The following CNTNAP2 variants were observed in gnomAD, a reference collection of about 807,000 sequenced individuals.
CNTNAP2 encodes contactin associated protein 2, also known as contactin-associated protein-like 2.
CNTNAP2 carries 98 observed loss-of-function variants against 155.2 expected under a neutral mutation model. The ratio of observed to expected loss-of-function variants is 0.63; its 90% CI spans 0.54 to 0.75. CNTNAP2 has a LOEUF of 0.75. Among genes scored for constraint, CNTNAP2 ranks in the 30% least tolerant of loss-of-function variants. CNTNAP2 has a pLI of 0.00. For synonymous variants in CNTNAP2, 651 were observed against 631.2 expected (o/e 1.03, Z -0.47); for missense variants, 1,727 against 1,688.1 (o/e 1.02, Z -0.40).
intron 2 of CNTNAP2, among the ~76,000 whole-genome samples, chr7:146,824,946 C>T (rs1244742998): frequency 6.6e-6 from 1 of 150,778 alleles, no homozygotes; most frequent in Non-Finnish European, 1.5e-5. Context: ...TTTCAGCTTG[C>T]CCTATGGGGG....
intron 1 of CNTNAP2, among the ~76,000 whole-genome samples, chr7:146,491,114 G>T (rs1477812103): frequency 6.6e-6 from 1 of 151,672 alleles, no homozygotes; most frequent in Non-Finnish European, 1.5e-5. Flanking sequence ...AAAACAACAA[G>T]CAAACAAAAA....
chr7:147,302,992 G>C (rs566246283), intron 9 of CNTNAP2, among the ~76,000 whole-genome samples: 45 of 152,362 alleles, frequency 3.0e-4, no homozygotes, highest in African/African-American at 1.1e-3. Flanking sequence ...CAGCGACGCT[G>C]AATGGTGGGA....
At chr7:147,533,856 A>C (rs1373034420) in intron 11 of CNTNAP2, among the ~76,000 whole-genome samples, 1 of 152,224 alleles carries the variant, frequency 6.6e-6, no homozygotes, top group East Asian at 1.9e-4. Flanking sequence ...AAGACACATT[A>C]AGCATGTAAT....
chr7:146,257,399 G>A (rs1405114), intron 1 of CNTNAP2, among the ~76,000 whole-genome samples: 6,303 of 152,096 alleles, frequency 0.041, 400 homozygotes, highest in African/African-American at 0.14. Context: ...GTGTCAGTAA[G>A]GCAATACCTT....
At chr7:146,928,797 C>T (rs548120101) in intron 3 of CNTNAP2, among the ~76,000 whole-genome samples, 17 of 152,344 alleles carry the variant, frequency 1.1e-4, no homozygotes, top group South Asian at 6.2e-4. Flanking sequence ...CCGCACCTGG[C>T]TCGGAGGGTC....
chr7:147,925,304 A>G (rs767837799), intron 14 of CNTNAP2, among the ~76,000 whole-genome samples: 29,251 of 147,288 alleles, frequency 0.2, 3,768 homozygotes, highest in South Asian at 0.39. Context: ...ACACACACAC[A>G]CACACACACA....
chr7:146,840,964 C>T (rs772761323), intron 3 of CNTNAP2, among the ~76,000 whole-genome samples: 10 of 152,252 alleles, frequency 6.6e-5, no homozygotes, highest in South Asian at 4.1e-4. Context: ...GTATAAGTTA[C>T]GGAAAGCAAG....
At chr7:146,402,873 G>A (rs1028555192) in intron 1 of CNTNAP2, among the ~76,000 whole-genome samples, 2 of 152,086 alleles carry the variant, frequency 1.3e-5, no homozygotes, top group Non-Finnish European at 2.9e-5. Context: ...TTAATCAAAT[G>A]CGGCTCTGGA....
intron 15 of CNTNAP2, among the ~76,000 whole-genome samples, chr7:148,010,462 A>T (rs1802057976): frequency 6.6e-6 from 1 of 151,358 alleles, no homozygotes. Context: ...TTCTTTTATG[A>T]TGTCTTTTTT....
At chr7:147,959,978 G>A (rs776016480) in intron 14 of CNTNAP2, among the ~76,000 whole-genome samples, 8 of 152,028 alleles carry the variant, frequency 5.3e-5, no homozygotes, top group Non-Finnish European at 8.8e-5. Flanking sequence ...TTTCCCTTAA[G>A]CCTAAAACAT....
At chr7:148,361,639 C>A (rs1798622275) in intron 21 of CNTNAP2, among the ~76,000 whole-genome samples, 1 of 152,322 alleles carries the variant, frequency 6.6e-6, no homozygotes, top group Non-Finnish European at 1.5e-5. Context: ...TTTATAAGGA[C>A]AACAGTCACT....
At chr7:147,651,607 T>C (rs574665751) in intron 13 of CNTNAP2, among the ~76,000 whole-genome samples, 14 of 152,318 alleles carry the variant, frequency 9.2e-5, no homozygotes, top group Admixed American at 3.9e-4. Context: ...TATGGAGGGA[T>C]CTTCCATTGT....
chr7:147,912,898 T>C (rs1041269285), intron 14 of CNTNAP2, among the ~76,000 whole-genome samples: 5 of 152,202 alleles, frequency 3.3e-5, no homozygotes, highest in African/African-American at 9.6e-5. Flanking sequence ...GTCAATCACC[T>C]GGCCTGAACG....
chr7:147,568,377 ACTGT>A (rs765670871), intron 12 of CNTNAP2, among the ~76,000 whole-genome samples: 3 of 152,148 alleles, frequency 2.0e-5, no homozygotes, highest in African/African-American at 7.2e-5. Context: ...AATTCTTCTG[ACTGT>A]CTGCAGCTCA....
At chr7:147,034,929 C>T (rs903905074) in intron 3 of CNTNAP2, among the ~76,000 whole-genome samples, 5 of 152,144 alleles carry the variant, frequency 3.3e-5, no homozygotes, top group Non-Finnish European at 7.4e-5. Flanking sequence ...CATTTGAGCG[C>T]AAAAACAGAA....
chr7:146,962,082 A>G (rs976177226), intron 3 of CNTNAP2, among the ~76,000 whole-genome samples: 4 of 152,164 alleles, frequency 2.6e-5, no homozygotes, highest in African/African-American at 9.7e-5. Flanking sequence ...CCTAGATTTT[A>G]TAATCTTGTT....
intron 15 of CNTNAP2, among the ~76,000 whole-genome samples, chr7:148,002,391 G>A (rs902346055): frequency 6.6e-6 from 1 of 151,804 alleles, no homozygotes; most frequent in Admixed American, 6.6e-5. Context: ...CCTTATCTAT[G>A]ACCCTCATTG....
intron 1 of CNTNAP2, among the ~76,000 whole-genome samples, chr7:146,440,486 A>G (rs1294923076): frequency 6.6e-6 from 1 of 151,584 alleles, no homozygotes; most frequent in Non-Finnish European, 1.5e-5. Flanking sequence ...ATAGCAATAT[A>G]GCCTGACGTT....
chr7:148,344,431 A>G (rs1798286498), intron 21 of CNTNAP2, among the ~76,000 whole-genome samples: 1 of 152,100 alleles, frequency 6.6e-6, no homozygotes, highest in South Asian at 2.1e-4. Context: ...CACCTCCTCT[A>G]TAAAAGCACC....
Sources: allele counts gnomAD v4.1 joint callset (sites outside exome capture counted in the v4.1 genomes callset), GRCh38; gene constraint gnomAD v4.1.1; transcripts MANE v1.5; gene names NCBI Gene and HGNC (gene_info 2026-07-23, HGNC 2026-07-21).